Variants in CAMTA1 observed in about 807,000 individuals in gnomAD.
CAMTA1 encodes the protein calmodulin binding transcription activator 1.
In CAMTA1, 27 loss-of-function variants were observed where a neutral mutation model predicts 170.9. That is an observed-to-expected ratio of 0.16 (90% CI 0.12 to 0.22). The LOEUF (loss-of-function observed/expected upper bound fraction) is 0.22. Among genes scored for constraint, CAMTA1 ranks in the 10% least tolerant of loss-of-function variants. The pLI, the probability that CAMTA1 is intolerant of heterozygous loss-of-function variation, is 1.00. For synonymous variants in CAMTA1, 833 were observed against 891.5 expected, an observed-to-expected ratio of 0.93 and a Z score of 1.17; for missense variants, 1,619 against 2,217.2, an observed-to-expected ratio of 0.73 and a Z score of 5.42.
intron 1 of CAMTA1, among the ~76,000 whole-genome samples, chr1:6,796,726 G>A (rs1022254813): frequency 6.6e-6 from 1 of 152,060 alleles, no homozygotes; most frequent in African/African-American, 2.4e-5. Context: ...GTTGACTCCG[G>A]TTTCTCCTCT....
intron 3 of CAMTA1, among the ~76,000 whole-genome samples, chr1:6,838,521 C>G (rs1371042378): frequency 6.6e-6 from 1 of 152,202 alleles, no homozygotes; most frequent in Non-Finnish European, 1.5e-5. Flanking sequence ...CCAAACCACT[C>G]TGAACTCTAC....
intron 6 of CAMTA1, among the ~76,000 whole-genome samples, chr1:7,604,581 C>A (rs184515374): frequency 9.2e-4 from 140 of 152,262 alleles, no homozygotes; most frequent in African/African-American, 3.3e-3. Flanking sequence ...AGCCATTCAT[C>A]TAATTTTTTT....
chr1:7,079,551 A>G (rs979915100), intron 3 of CAMTA1, among the ~76,000 whole-genome samples: 1 of 152,020 alleles, frequency 6.6e-6, no homozygotes, highest in African/African-American at 2.4e-5. Flanking sequence ...GGCTCACTGC[A>G]ACCTCCACCT....
chr1:7,618,674 C>T (rs2095576675), intron 6 of CAMTA1, among the ~76,000 whole-genome samples: 1 of 152,222 alleles, frequency 6.6e-6, no homozygotes, highest in South Asian at 2.1e-4. Context: ...AACATCCCCT[C>T]TCCTTGTCAG....
chr1:7,739,302 C>G (rs1418777463), intron 16 of CAMTA1, among the ~76,000 whole-genome samples: 1 of 152,124 alleles, frequency 6.6e-6, no homozygotes, highest in Non-Finnish European at 1.5e-5. Flanking sequence ...GATCATATGT[C>G]CTGGTCAGCA....
chr1:7,493,404 A>C (rs1167547991), intron 6 of CAMTA1, among the ~76,000 whole-genome samples: 3 of 145,988 alleles, frequency 2.1e-5, no homozygotes, highest in Admixed American at 6.8e-5. Context: ...CACACACACA[A>C]AAACACAAAC....
chr1:7,235,734 A>T (rs1663709180), intron 4 of CAMTA1, among the ~76,000 whole-genome samples: 1 of 152,344 alleles, frequency 6.6e-6, no homozygotes, highest in Middle Eastern at 3.4e-3. Flanking sequence ...AGCAGGAGCA[A>T]TCACGGCCGT....
chr1:7,241,590 T>A (rs771894428), intron 4 of CAMTA1, among the ~76,000 whole-genome samples: 1 of 152,206 alleles, frequency 6.6e-6, no homozygotes, highest in Non-Finnish European at 1.5e-5. Flanking sequence ...AGTATTGGCA[T>A]AAAAATAGAC....
intron 6 of CAMTA1, among the ~76,000 whole-genome samples, chr1:7,520,950 C>G (rs2094357923): frequency 6.6e-6 from 1 of 152,090 alleles, no homozygotes; most frequent in Admixed American, 6.6e-5. Context: ...CTCACCTTCC[C>G]CATAATAATA....
At chr1:7,257,081 G>A (rs1447235884) in intron 5 of CAMTA1, among the ~76,000 whole-genome samples, 1 of 150,306 alleles carries the variant, frequency 6.7e-6, no homozygotes, top group African/African-American at 2.5e-5. Flanking sequence ...CATGGCGGGG[G>A]CGGGGGTTGG....
rs976693909 is a variant in CAMTA1, at chr1:7,665,279, G to A, written c.2652+80G>A. On this transcript the variant is annotated intron_variant, in intron 9 of 22. Transcript: ENST00000303635. The surrounding 1 kb of genome is among the most constrained non-coding windows in gnomAD (Gnocchi z 4.3). ...GCCCCTGCGCCACCCTGCAGCTAAGGGATGCCTGTGGCTGCCCTTCAGAGG... is the reference window on the plus strand; with the variant it reads ...GCCCCTGCGCCACCCTGCAGCTAAGAGATGCCTGTGGCTGCCCTTCAGAGG... The A allele has an allele frequency of 1.6e-6, 2 of 1,218,814 alleles. No individual in the cohort carries two copies. The highest frequency in any genetic ancestry group is 3.0e-5 in the African/African-American group (2 of 66,108). The allele number at this position is 1,218,814 out of a possible 1,614,324, so 75.5% of individuals were successfully genotyped here.
Position 7,480,149 on chromosome 1 carries a change from CCG to C in CAMTA1, c.510+12249_510+12250del, listed in dbSNP as rs926664553. On this transcript the variant is annotated intron_variant, in intron 6 of 22. Coordinates refer to ENST00000303635, the MANE Select transcript of CAMTA1 (RefSeq NM_015215.4). Reference sequence around the variant, plus strand: ...AGTATGTGTGTGTGAGCGCCTGTGTCCGTGTGGGTGCATGTGTGTGTGCTTGT... The same window carrying C: ...AGTATGTGTGTGTGAGCGCCTGTGTCTGTGGGTGCATGTGTGTGTGCTTGT... Among the ~76,000 whole-genome samples the C allele has an allele frequency of 3.1e-4, 35 of 114,496 alleles. No individual in the cohort carries two copies. In the East Asian group the frequency reaches 5.0e-3, roughly 16 times the overall value. The allele number at this position is 114,496 out of a possible 152,430, so 75.1% of individuals were successfully genotyped here.
intron 6 of CAMTA1, among the ~76,000 whole-genome samples, chr1:7,471,484 G>A (rs1330632907): frequency 6.6e-6 from 1 of 152,234 alleles, no homozygotes; most frequent in African/African-American, 2.4e-5. Context: ...CCCTCTGCTG[G>A]TGGCACCCAT....
At chr1:7,581,181 CCTGGCACCAACCAG>C (rs1409188516) in intron 6 of CAMTA1, among the ~76,000 whole-genome samples, 1 of 152,204 alleles carries the variant, frequency 6.6e-6, no homozygotes, top group East Asian at 1.9e-4. Context: ...ATCCCCTTTC[CCTGGCACCAACCAG>C]CTGCAGCCCC....
chr1:7,483,389 A>G (rs978799233), intron 6 of CAMTA1, among the ~76,000 whole-genome samples: 8 of 152,184 alleles, frequency 5.3e-5, no homozygotes, highest in African/African-American at 1.9e-4. Flanking sequence ...ACGGCCAGAG[A>G]CTGCAGTCTG....
intron 4 of CAMTA1, among the ~76,000 whole-genome samples, chr1:7,240,130 AT>A (rs1232615860): frequency 6.6e-6 from 1 of 152,188 alleles, no homozygotes; most frequent in Non-Finnish European, 1.5e-5. Context: ...GTCAGCCACC[AT>A]TGATGATCCA....
intron 3 of CAMTA1, among the ~76,000 whole-genome samples, chr1:7,054,879 G>A (rs1707051697): frequency 6.6e-6 from 1 of 152,190 alleles, no homozygotes; most frequent in Non-Finnish European, 1.5e-5. Context: ...TGGACAGGAA[G>A]CATAGTGCCG....
chr1:7,155,069 G>A (rs1394140609), intron 4 of CAMTA1, among the ~76,000 whole-genome samples: 1 of 152,164 alleles, frequency 6.6e-6, no homozygotes, highest in Admixed American at 6.5e-5. Context: ...AAAGGTACAC[G>A]GCTGAACATC....
At chr1:7,553,539 G>T (rs1339742751) in intron 6 of CAMTA1, among the ~76,000 whole-genome samples, 1 of 152,208 alleles carries the variant, frequency 6.6e-6, no homozygotes, top group Non-Finnish European at 1.5e-5. Context: ...CGAAGCTCAG[G>T]GTTCTGTCCC....
Sources: gnomAD v4.1 joint callset for allele counts (sites outside exome capture counted in the v4.1 genomes callset) on GRCh38, gnomAD v4.1.1 for gene constraint, Gnocchi (gnomAD v3.1) non-coding constraint, MANE v1.5 for transcripts, NCBI Gene and HGNC (gene_info 2026-07-23, HGNC 2026-07-21) for gene names.